The following TACC2 variants were observed in gnomAD, a reference collection of about 807,000 sequenced individuals.
TACC2 encodes transforming acidic coiled-coil containing protein 2.
A neutral mutation model predicts 227.3 loss-of-function variants in TACC2; 137 were observed. That is an observed-to-expected ratio of 0.60 (90% CI 0.52 to 0.69). The LOEUF (loss-of-function observed/expected upper bound fraction) is 0.69, where lower values mean the gene tolerates loss of function less well. Ranked by LOEUF, TACC2 falls within the 30% of genes least tolerant of loss-of-function variation. The pLI, the probability that TACC2 is intolerant of heterozygous loss-of-function variation, is 0.00. For missense variants in TACC2, 3,470 were observed against 3,694.4 expected, an observed-to-expected ratio of 0.94 and a Z score of 1.57; for synonymous variants, 1,523 against 1,487.5, an observed-to-expected ratio of 1.02 and a Z score of -0.55.
At chr10:122,101,359 C>A (rs1300830522) in intron 5 of TACC2, among the ~76,000 whole-genome samples, 1 of 152,164 alleles carries the variant, frequency 6.6e-6, no homozygotes, top group Non-Finnish European at 1.5e-5. Flanking sequence ...ATGGCAGGGA[C>A]TGTGCCTGGT....
intron 8 of TACC2, among the ~76,000 whole-genome samples, chr10:122,199,414 T>G (rs1318768143): frequency 1.3e-5 from 2 of 152,210 alleles, no homozygotes; most frequent in South Asian, 4.1e-4. Context: ...TCGTATACAC[T>G]GTCACCTGCT....
Position 122,083,370 on chromosome 10 carries a change from A to T in TACC2, c.870A>T (p.Arg290Ser). The T allele has an allele frequency of 1.2e-6, 2 of 1,613,922 alleles. No individual in the cohort carries two copies. Among genetic ancestry groups the T allele is most frequent in the Non-Finnish European group, 1.7e-6 (2 of 1,180,004 alleles). Residue 290 changes from arginine (R) to serine (S), a missense_variant, in exon 4 of 23, where the codon AGA becomes AGT. Physicochemically the swap from Arg to Ser is moderately radical, Grantham distance 110 (BLOSUM62 -1). Transcript: ENST00000369005. ...DPAPRASDRERGQGEAPPQYL... is the reference protein window; with the variant it reads ...DPAPRASDRESGQGEAPPQYL... Reference sequence around the variant, plus strand: ...CCCCAAGAGCCTCAGACAGAGAAAGAGGCCAAGGGGAGGCGCCGCCTCAGT... The same window carrying T: ...CCCCAAGAGCCTCAGACAGAGAAAGTGGCCAAGGGGAGGCGCCGCCTCAGT...
At chr10:122,144,130 G>GC (rs2091064570) in intron 7 of TACC2, among the ~76,000 whole-genome samples, 1 of 152,184 alleles carries the variant, frequency 6.6e-6, no homozygotes, top group Non-Finnish European at 1.5e-5. Flanking sequence ...TTGTAGCAGA[G>GC]CCCCAAGGCC....
rs531766594 is a variant in TACC2 at position 122,001,331 on chromosome 10, G to A, written c.-46+11843G>A. On this transcript the variant is annotated intron_variant, in intron 1 of 22. Transcript: ENST00000369005. Reference sequence around the variant, plus strand: ...GAAGGCGAATGAGGAGCAAGGTTATGTCTTACATGGTGGCAGGCAAGAGAA... The same window carrying A: ...GAAGGCGAATGAGGAGCAAGGTTATATCTTACATGGTGGCAGGCAAGAGAA... Among the ~76,000 whole-genome samples, 24 of 152,352 alleles carry A rather than the reference G, an allele frequency of 1.6e-4. No homozygotes were observed. The South Asian group carries it at 4.3e-3, about 28-fold the overall frequency.
chr10:122,133,022 C>T (rs1243118893), intron 6 of TACC2, among the ~76,000 whole-genome samples: 1 of 152,136 alleles, frequency 6.6e-6, no homozygotes, highest in African/African-American at 2.4e-5. Flanking sequence ...CCTATGTGGC[C>T]TTCAGGGGTC....
chr10:122,206,877 C>T (rs1217358957), intron 8 of TACC2, among the ~76,000 whole-genome samples: 1 of 152,130 alleles, frequency 6.6e-6, no homozygotes, highest in South Asian at 2.1e-4. Flanking sequence ...CCTCGGCACA[C>T]CCCCCAGTGG....
chr10:122,088,530 G>A lies in TACC2; in HGVS notation c.5512G>A (p.Ala1838Thr), dbSNP rs976991720. ...GTTACCTTCGGTTCCTAAGAAGGAT[G>A]CTCCAAGAGTCATGGATAAAGTCAC... ...SMLPSVPKKDAPRVMDKVTSD... is the reference protein window; with the variant it reads ...SMLPSVPKKDTPRVMDKVTSD... The change falls in exon 5 of 23, where the codon GCT becomes ACT. Residue 1838 changes from alanine to threonine, a missense_variant. Ala to Thr is a moderately conservative substitution (Grantham distance 58). Coordinates refer to ENST00000369005, the MANE Select transcript of TACC2 (RefSeq NM_206862.4). The A allele has an allele frequency of 1.9e-6, 3 of 1,613,784 alleles. No homozygotes were observed. The highest frequency in any genetic ancestry group is 2.7e-5 in the African/African-American group (2 of 74,910).
chr10:122,031,279 T>C (rs763486541), intron 2 of TACC2, among the ~76,000 whole-genome samples: 25 of 152,190 alleles, frequency 1.6e-4, no homozygotes, highest in Admixed American at 3.9e-4. Flanking sequence ...TCTCACTGGA[T>C]TGCGCTCTAC....
intron 5 of TACC2, among the ~76,000 whole-genome samples, chr10:122,124,702 ATTTG>A (rs2086497362): frequency 6.6e-6 from 1 of 152,172 alleles, no homozygotes; most frequent in Non-Finnish European, 1.5e-5. Flanking sequence ...AGAAGTTCTT[ATTTG>A]TTTGTCCTGA....
chr10:122,251,509 A>T (rs2096254439), intron 22 of TACC2, among the ~76,000 whole-genome samples: 1 of 152,106 alleles, frequency 6.6e-6, no homozygotes, highest in Non-Finnish European at 1.5e-5. Flanking sequence ...ATATTTGGTG[A>T]CTTGAAAAAT....
intron 11 of TACC2, among the ~76,000 whole-genome samples, chr10:122,222,485 A>G (rs2095541244): frequency 6.6e-6 from 1 of 152,226 alleles, no homozygotes; most frequent in South Asian, 2.1e-4. Context: ...GAAACCAGGC[A>G]TCTCACAAAT....
chr10:122,054,508 A>G (rs905588428), intron 3 of TACC2, among the ~76,000 whole-genome samples: 9 of 152,214 alleles, frequency 5.9e-5, no homozygotes, highest in Non-Finnish European at 1.2e-4. Context: ...GATCCTTAAG[A>G]CACAACTGAT....
chr10:122,053,273 G>C (rs1320350661), intron 3 of TACC2, among the ~76,000 whole-genome samples: 1 of 152,170 alleles, frequency 6.6e-6, no homozygotes, highest in Non-Finnish European at 1.5e-5. Context: ...AAAGAGAAGA[G>C]AGCTTGTGCA....
Position 122,194,999 on chromosome 10 carries a change from C to G in TACC2, c.5835-41C>G. ...CCACACCGGCTCAGCAGAACTGGCT[C>G]TGGGCCCCTGTCTAACCTGTGCTTC... is the stretch of plus-strand genomic sequence containing the variant. On this transcript the variant is annotated intron_variant, in intron 7 of 22. Transcript: ENST00000369005. The surrounding 1 kb of genome is among the most constrained non-coding windows in gnomAD (Gnocchi z 4.4). 6.4e-7 allele frequency: 1 copy of G among 1,568,072 alleles called. No homozygotes were observed. Among genetic ancestry groups the G allele is most frequent in the South Asian group, 1.2e-5 (1 of 83,244 alleles).
intron 5 of TACC2, among the ~76,000 whole-genome samples, chr10:122,122,006 G>A (rs972723387): frequency 2.0e-5 from 3 of 152,192 alleles, no homozygotes; most frequent in Non-Finnish European, 2.9e-5. Flanking sequence ...CTCGCCATGG[G>A]TCTCTTTGCC....
chr10:122,113,385 C>T (rs1024410690), intron 5 of TACC2, among the ~76,000 whole-genome samples: 3 of 152,252 alleles, frequency 2.0e-5, no homozygotes, highest in African/African-American at 7.2e-5. Context: ...TGGCTAACTG[C>T]ACATTCGGTC....
intron 2 of TACC2, among the ~76,000 whole-genome samples, chr10:122,040,149 A>C (rs2074067124): frequency 6.6e-6 from 1 of 152,068 alleles, no homozygotes; most frequent in Non-Finnish European, 1.5e-5. Flanking sequence ...GCACCACCTG[A>C]TGGTTGGAAA....
chr10:122,068,899 C>T (rs1382417568), intron 3 of TACC2, among the ~76,000 whole-genome samples: 1 of 145,400 alleles, frequency 6.9e-6, no homozygotes, highest in Non-Finnish European at 1.5e-5. Flanking sequence ...GAGGTTTCAC[C>T]ATATTGGCTT....
Position 122,018,011 on chromosome 10 carries a change from C to G in TACC2, c.-45-3926C>G, listed in dbSNP as rs1371735583. Among the ~76,000 whole-genome samples, 5 of 86,612 alleles carry G rather than the reference C, an allele frequency of 5.8e-5. No homozygotes were observed. The Admixed American group carries it at 6.9e-4, about 12-fold the overall frequency. 56.8% of individuals were successfully genotyped at this position (86,612 alleles called of 152,430 possible). On this transcript the variant is annotated intron_variant, in intron 1 of 22. Coordinates refer to ENST00000369005, the MANE Select transcript of TACC2 (RefSeq NM_206862.4). ...CATTCGTTTTATTTATTTATTTCTT[C>G]TAAAAAAAAAAACAGGATACATGTG...
Sources: allele counts gnomAD v4.1 joint callset (sites outside exome capture counted in the v4.1 genomes callset), GRCh38; gene constraint gnomAD v4.1.1; non-coding constraint Gnocchi (gnomAD v3.1); transcripts MANE v1.5; gene names NCBI Gene and HGNC (gene_info 2026-07-23, HGNC 2026-07-21).